The following SLURP2 variants were observed in gnomAD, a reference collection of about 807,000 sequenced individuals.
The protein encoded by SLURP2 is secreted Ly-6/uPAR domain-containing protein 2.
In SLURP2, 4 loss-of-function variants were observed where a neutral mutation model predicts 9.8. The observed-to-expected ratio is 0.41, with a 90% CI of 0.20 to 0.94. The LOEUF (loss-of-function observed/expected upper bound fraction) is 0.94, where lower values mean the gene tolerates loss of function less well. Ranked by LOEUF, SLURP2 falls within the 40% of genes least tolerant of loss-of-function variation. The pLI, the probability that SLURP2 is intolerant of heterozygous loss-of-function variation, is 0.32. For missense variants in SLURP2, 118 were observed against 126.4 expected (o/e 0.93, Z 0.32); for synonymous variants, 58 against 56.2 (o/e 1.03, Z -0.15).
At chr8:142,765,968 AAAAAAC>A (rs1299739254) in intron 1 of SLURP2, among the ~76,000 whole-genome samples, 1,512 of 138,830 alleles carry the variant, frequency 0.011, 33 homozygotes, top group African/African-American at 0.037. Flanking sequence ...ACCTCAAAAA[AAAAAAC>A]AAAAAACAAA....
chr8:142,765,686 C>A (rs1029323653), intron 1 of SLURP2, among the ~76,000 whole-genome samples: 1 of 152,062 alleles, frequency 6.6e-6, no homozygotes, highest in African/African-American at 2.4e-5. Flanking sequence ...GTAGGCCGGG[C>A]GCGGTGGCTC....
intron 1 of SLURP2, among the ~76,000 whole-genome samples, chr8:142,765,812 C>T (rs1814986710): frequency 6.6e-6 from 1 of 151,826 alleles, no homozygotes; most frequent in African/African-American, 2.4e-5. Context: ...AATATAAAAA[C>T]ATTAGCTGGG....
rs1031881367 is a variant in SLURP2 at position 142,768,939 on chromosome 8, G to A, written c.52+816C>T. 1.3e-5 allele frequency among the ~76,000 whole-genome samples: 2 copies of A among 152,312 alleles called. No homozygotes were observed. The highest frequency in any genetic ancestry group is 6.5e-5 in the Admixed American group (1 of 15,302). On this transcript the variant is annotated intron_variant, in intron 1 of 2. Transcript: ENST00000317543. This position sits in a 1 kb window ranked among gnomAD's most constrained non-coding sequence, Gnocchi z 4.8. ...GGTCGTTCAACCCACAGCCAGGGAC[G>A]CAGAGGCTTGGCCCCTGGGGGGCTG...
At chr8:142,766,766 C>A (rs1815022005) in intron 1 of SLURP2, among the ~76,000 whole-genome samples, 1 of 152,238 alleles carries the variant, frequency 6.6e-6, no homozygotes, top group African/African-American at 2.4e-5. Flanking sequence ...ACTGGGTAAG[C>A]AGAGTCCCTA....
At chr8:142,767,451 G>T (rs1315467469) in intron 1 of SLURP2, among the ~76,000 whole-genome samples, 1 of 152,220 alleles carries the variant, frequency 6.6e-6, no homozygotes, top group Non-Finnish European at 1.5e-5. Context: ...GCTGGGGTGG[G>T]GGGTAGCAGG....
At chr8:142,769,625 T>G in intron 1 of SLURP2, 130 bp downstream of exon 1, 1 of 758,144 alleles carries the variant, frequency 1.3e-6, no homozygotes, top group Non-Finnish European at 2.1e-6. Context: ...AAGCTGCACC[T>G]GGTAGATGGT....
chr8:142,768,063 C>T lies in SLURP2; in HGVS notation c.52+1692G>A, dbSNP rs905351363. On this transcript the variant is annotated intron_variant, in intron 1 of 2. Transcript: ENST00000317543. The surrounding 1 kb of genome is among the most constrained non-coding windows in gnomAD (Gnocchi z 4.8). ...AAATGTTAGCTCCAAACCGGAAAGG[C>T]TGCTCGATGGTGACTGTGAGGACAC... is the stretch of plus-strand genomic sequence containing the variant. 6.6e-6 allele frequency among the ~76,000 whole-genome samples: 1 copy of T among 151,500 alleles called. No individual in the cohort carries two copies. Among genetic ancestry groups the T allele is most frequent in the South Asian group, 2.1e-4 (1 of 4,750 alleles).
chr8:142,764,366 T>G lies in SLURP2; in HGVS notation c.*239A>C. ...TACCACACGATCCAATCACATTTTA[T>G]TGTGGGGAGGTCGGGACCTGAAGGG... On this transcript the variant is annotated 3_prime_UTR_variant, in exon 3 of 3. Coordinates refer to ENST00000317543, the MANE Select transcript of SLURP2 (RefSeq NM_177458.3). The G allele has an allele frequency of 4.7e-6, 3 of 638,026 alleles. No individual in the cohort carries two copies. The highest frequency in any genetic ancestry group is 2.9e-5 in the East Asian group (1 of 34,550). 39.5% of individuals were successfully genotyped at this position (638,026 alleles called of 1,614,324 possible).
At chr8:142,765,165 C>T in intron 1 of SLURP2, 25 bp from the exon 2 acceptor site, 4 of 1,586,572 alleles carry the variant, frequency 2.5e-6, no homozygotes, top group Non-Finnish European at 3.4e-6. Context: ...ACAGACAGGA[C>T]ACAAACGGAT....
chr8:142,769,718 G>A, intron 1 of SLURP2, 37 bp downstream of exon 1: 1 of 1,578,818 alleles, frequency 6.3e-7, no homozygotes, highest in Non-Finnish European at 8.6e-7. Flanking sequence ...AGTGATGGGG[G>A]CCTTGAGCAG....
chr8:142,768,272 G>T lies in SLURP2; in HGVS notation c.52+1483C>A, dbSNP rs1411851284. On this transcript the variant is annotated intron_variant, in intron 1 of 2. Transcript: ENST00000317543. This position sits in a 1 kb window ranked among gnomAD's most constrained non-coding sequence, Gnocchi z 4.8. ...GGAATAATGGAGGGACAAACAGGAT[G>T]GTGGGATGGGCTCTGGGTGTAGCTG... Among the ~76,000 whole-genome samples the T allele has an allele frequency of 6.6e-6, 1 of 151,656 alleles. No homozygotes were observed. The highest frequency in any genetic ancestry group is 6.6e-5 in the Admixed American group (1 of 15,242).
chr8:142,768,143 G>T lies in SLURP2; in HGVS notation c.52+1612C>A, dbSNP rs76359509. Among the ~76,000 whole-genome samples the T allele has an allele frequency of 0.023, 3,373 of 148,226 alleles. 57 individuals are homozygous for T. The highest frequency in any genetic ancestry group is 0.032 in the Non-Finnish European group (2,142 of 66,958). Reference sequence around the variant, plus strand: ...CACGGGAGGGAGGGGAGATCAGGGGGAGAAGAGGAGAGAGGAAGGGAGGGA... The same window carrying T: ...CACGGGAGGGAGGGGAGATCAGGGGTAGAAGAGGAGAGAGGAAGGGAGGGA... On this transcript the variant is annotated intron_variant, in intron 1 of 2. Coordinates refer to ENST00000317543, the MANE Select transcript of SLURP2 (RefSeq NM_177458.3). The surrounding 1 kb of genome is among the most constrained non-coding windows in gnomAD (Gnocchi z 4.8).
intron 1 of SLURP2, 23 bp from the exon 2 acceptor site, chr8:142,765,163 G>C (rs1466230840): frequency 2.5e-6 from 4 of 1,585,520 alleles, no homozygotes; most frequent in Non-Finnish European, 3.4e-6. Flanking sequence ...GGACAGACAG[G>C]ACACAAACGG....
Position 142,765,113 on chromosome 8 carries a change from TG to T in SLURP2, c.79del (p.Gln27SerfsTer15). On this transcript the variant is annotated frameshift_variant, in exon 2 of 3. Transcript: ENST00000317543. LOFTEE classifies it high-confidence loss of function. ...GGAGCACCCTCCGAAGCCCGTGCAC[TG>T]GTGACACCATATGGCTTCGGCTGCA... ...LAAAEAIWCH[Q>X]CTGFGGCSHG... 6.2e-7 allele frequency: 1 copy of T among 1,612,144 alleles called. No individual in the cohort carries two copies. The highest frequency in any genetic ancestry group is 8.5e-7 in the Non-Finnish European group (1 of 1,179,534).
chr8:142,767,972 T>C (rs1815055060), intron 1 of SLURP2, among the ~76,000 whole-genome samples: 1 of 151,766 alleles, frequency 6.6e-6, no homozygotes, highest in South Asian at 2.1e-4. Flanking sequence ...TCAAGAGAAA[T>C]AATAATTCTG....
Position 142,768,606 on chromosome 8 carries a change from C to CT in SLURP2, c.52+1148dup, listed in dbSNP as rs1297784137. On this transcript the variant is annotated intron_variant, in intron 1 of 2. Transcript: ENST00000317543. This position sits in a 1 kb window ranked among gnomAD's most constrained non-coding sequence, Gnocchi z 4.8. ...GCACCGGGCACCCAGGCAGAGGCTC[C>CT]TGTGATGTGCCATCCCTGGCCTGGA... 6.6e-6 allele frequency among the ~76,000 whole-genome samples: 1 copy of CT among 152,094 alleles called. No homozygotes were observed. Among genetic ancestry groups the CT allele is most frequent in the African/African-American group, 2.4e-5 (1 of 41,418 alleles).
chr8:142,769,621 C>A, intron 1 of SLURP2, 134 bp downstream of exon 1: 1 of 755,970 alleles, frequency 1.3e-6, no homozygotes, highest in Non-Finnish European at 2.1e-6. Context: ...AGGAAAGCTG[C>A]ACCTGGTAGA....
intron 2 of SLURP2, 98 bp from the exon 3 acceptor site, chr8:142,764,839 A>G: frequency 6.9e-7 from 1 of 1,449,048 alleles, no homozygotes; most frequent in Non-Finnish European, 9.6e-7. Flanking sequence ...CAGACGCCCC[A>G]GGTACATGAA....
chr8:142,769,112 T>A (rs1245401658), intron 1 of SLURP2, among the ~76,000 whole-genome samples: 1 of 151,292 alleles, frequency 6.6e-6, no homozygotes. Context: ...TGCACAGCTG[T>A]GCTTGAGGGG....
Sources: gnomAD v4.1 joint callset for allele counts (sites outside exome capture counted in the v4.1 genomes callset) on GRCh38, gnomAD v4.1.1 for gene constraint, Gnocchi (gnomAD v3.1) non-coding constraint, MANE v1.5 for transcripts, NCBI Gene and HGNC (gene_info 2026-07-23, HGNC 2026-07-21) for gene names.